Variants in ARMH3 observed in about 807,000 individuals in gnomAD.
The protein encoded by ARMH3 is armadillo-like helical domain-containing protein 3.
Under a neutral mutation model 99.1 loss-of-function variants are expected in ARMH3, and 60 were observed. The ratio of observed to expected loss-of-function variants is 0.61; its 90% CI spans 0.49 to 0.75. The LOEUF (loss-of-function observed/expected upper bound fraction) is 0.75, where lower values mean the gene tolerates loss of function less well. ARMH3 is among the 30% of genes least tolerant of loss of function. ARMH3 has a pLI of 0.00. For synonymous variants in ARMH3, 285 were observed against 292.8 expected, an observed-to-expected ratio of 0.97 and a Z score of 0.27; for missense variants, 679 against 843.1, an observed-to-expected ratio of 0.81 and a Z score of 2.41.
chr10:101,973,539 TAGG>T (rs1207038500), intron 20 of ARMH3, among the ~76,000 whole-genome samples: 2 of 151,138 alleles, frequency 1.3e-5, no homozygotes, highest in African/African-American at 4.9e-5. Context: ...AAAATGGGGA[TAGG>T]AGGAGAATAA....
chr10:101,897,694 G>C (rs76568221), intron 23 of ARMH3, among the ~76,000 whole-genome samples: 1,558 of 152,272 alleles, frequency 0.01, 28 homozygotes, highest in African/African-American at 0.032. Context: ...GTCCCAAAGG[G>C]GAAGGAAAAA....
chr10:101,974,030 A>G (rs545400699), intron 20 of ARMH3, among the ~76,000 whole-genome samples: 1 of 152,212 alleles, frequency 6.6e-6, no homozygotes, highest in East Asian at 1.9e-4. Context: ...GGTCATTTCC[A>G]TCTCTTTTGA....
chr10:101,982,688 T>C (rs1181687842), intron 19 of ARMH3, among the ~76,000 whole-genome samples: 12 of 152,094 alleles, frequency 7.9e-5, no homozygotes, highest in Non-Finnish European at 1.5e-4. Flanking sequence ...TAGATTCTCA[T>C]AGGAGCACAA....
At position 101,847,634 on chromosome 10, in the gene ARMH3, G is replaced by T; in HGVS notation, c.1978-14C>A. ...AATGGATCGAACCTGGGAAAGGGTA[G>T]TTGGGGAAGGTGGGAGGGCGCAGCC... is the stretch of plus-strand genomic sequence containing the variant. On this transcript the variant is annotated splice_polypyrimidine_tract_variant and intron_variant, in intron 25 of 25. Coordinates refer to ENST00000370033, the MANE Select transcript of ARMH3 (RefSeq NM_024541.3). 1 of 1,613,192 alleles carries T rather than the reference G, an allele frequency of 6.2e-7. No individual in the cohort carries two copies. Among genetic ancestry groups the T allele is most frequent in the Non-Finnish European group, 8.5e-7 (1 of 1,179,112 alleles).
At chr10:102,009,525 T>C (rs2066582724) in intron 12 of ARMH3, 76 bp from the exon 13 acceptor site, 7 of 1,245,492 alleles carry the variant, frequency 5.6e-6, no homozygotes, top group Admixed American at 1.8e-5. Flanking sequence ...GAAGATAAGA[T>C]TGGATTGCAC....
At chr10:102,018,677 C>T (rs1489187241) in intron 8 of ARMH3, among the ~76,000 whole-genome samples, 3 of 152,148 alleles carry the variant, frequency 2.0e-5, no homozygotes, top group African/African-American at 7.2e-5. Flanking sequence ...AATTATCAGC[C>T]AGGCACGGTG....
chr10:101,992,131 C>A, intron 17 of ARMH3, 93 bp from the exon 18 acceptor site: 1 of 1,028,880 alleles, frequency 9.7e-7, no homozygotes, highest in Non-Finnish European at 1.5e-6. Context: ...AATAAAATCA[C>A]TATTACAGGG....
intron 23 of ARMH3, among the ~76,000 whole-genome samples, chr10:101,932,641 G>A (rs1843768679): frequency 6.6e-6 from 1 of 152,156 alleles, no homozygotes; most frequent in Non-Finnish European, 1.5e-5. Context: ...TATTATATTA[G>A]GCAAAATAAT....
At chr10:101,984,997 G>A (rs1025994152) in intron 19 of ARMH3, among the ~76,000 whole-genome samples, 2 of 151,626 alleles carry the variant, frequency 1.3e-5, no homozygotes, top group South Asian at 2.1e-4. Flanking sequence ...GAACCTGGGA[G>A]GCGGAGGTTG....
intron 19 of ARMH3, among the ~76,000 whole-genome samples, chr10:101,979,112 T>A (rs1174839684): frequency 1.3e-5 from 2 of 151,966 alleles, no homozygotes; most frequent in African/African-American, 4.8e-5. Context: ...CCAGCCCAGA[T>A]AACAGAGTAA....
Position 102,001,979 on chromosome 10 carries a change from T to A in ARMH3, c.1142A>T (p.Asp381Val). The change falls in exon 15 of 26, where the codon GAC (aspartate) becomes GTC (valine). Residue 381 changes from aspartate (D) to valine (V), a missense_variant. Transcript: ENST00000370033. ...FLKYSSIVMQ[D>V]TKDEHRLHSG... The stretch of plus-strand genomic sequence containing the variant: ...AAATAGCTATGGCTTACCTTTGGTG[T>A]CCTGCATGACAATTGAGCTATACTT... 1 of 1,614,138 alleles carries A rather than the reference T, an allele frequency of 6.2e-7. No individual in the cohort carries two copies. Among genetic ancestry groups the A allele is most frequent in the Non-Finnish European group, 8.5e-7 (1 of 1,179,976 alleles).
At chr10:101,896,092 A>G (rs6584461) in intron 23 of ARMH3, among the ~76,000 whole-genome samples, 151,862 of 152,314 alleles carry the variant, frequency 1, 75,705 homozygotes, top group East Asian at 1. Flanking sequence ...TTAGCCGGGT[A>G]TGGTGGCGTG....
chr10:101,978,542 A>G (rs1393965553), intron 19 of ARMH3, among the ~76,000 whole-genome samples: 1 of 152,226 alleles, frequency 6.6e-6, no homozygotes, highest in Middle Eastern at 3.2e-3. Context: ...TCACATCTGT[A>G]ATCCCAACAC....
intron 18 of ARMH3, among the ~76,000 whole-genome samples, chr10:101,991,756 T>A (rs1226530478): frequency 6.6e-6 from 1 of 152,200 alleles, no homozygotes; most frequent in Admixed American, 6.5e-5. Context: ...GAATGACTTT[T>A]TTCTTTGAAC....
At chr10:102,043,466 T>C (rs2067469093) in intron 1 of ARMH3, among the ~76,000 whole-genome samples, 1 of 152,232 alleles carries the variant, frequency 6.6e-6, no homozygotes, top group African/African-American at 2.4e-5. Context: ...CCAGACTTGA[T>C]TCTCTGGGAG....
At chr10:101,913,697 C>T (rs1254408464) in intron 23 of ARMH3, among the ~76,000 whole-genome samples, 1 of 152,128 alleles carries the variant, frequency 6.6e-6, no homozygotes, top group African/African-American at 2.4e-5. Flanking sequence ...CAAAGGCTCC[C>T]AGACTTTAGT....
intron 2 of ARMH3, among the ~76,000 whole-genome samples, chr10:102,034,336 A>G (rs1248614596): frequency 6.6e-6 from 1 of 152,062 alleles, no homozygotes; most frequent in Admixed American, 6.6e-5. Flanking sequence ...AATGGGTAAA[A>G]CAAGAAAAAG....
rs539553459 is a variant in ARMH3 at position 102,029,622 on chromosome 10, G to A, written c.414+16C>T. ...GAAGCTGCCATCCACAGGCACATCT[G>A]CAGCTTATGCCTCACCTTCATGCAC... On this transcript the variant is annotated intron_variant, in intron 5 of 25. Coordinates refer to ENST00000370033, the MANE Select transcript of ARMH3 (RefSeq NM_024541.3). The A allele has an allele frequency of 6.2e-7, 1 of 1,614,196 alleles. No homozygotes were observed. Among genetic ancestry groups the A allele is most frequent in the Non-Finnish European group, 8.5e-7 (1 of 1,180,042 alleles).
At chr10:101,887,412 T>C (rs2067574058) in intron 24 of ARMH3, among the ~76,000 whole-genome samples, 1 of 151,726 alleles carries the variant, frequency 6.6e-6, no homozygotes, top group Non-Finnish European at 1.5e-5. Flanking sequence ...TTATTATTAT[T>C]ACTATTATTT....
Sources: allele counts gnomAD v4.1 joint callset (sites outside exome capture counted in the v4.1 genomes callset), GRCh38; gene constraint gnomAD v4.1.1; transcripts MANE v1.5; gene names NCBI Gene and HGNC (gene_info 2026-07-23, HGNC 2026-07-21).